The following SGK1 variants were observed in gnomAD, a reference collection of about 807,000 sequenced individuals.
SGK1 encodes serine/threonine-protein kinase Sgk1.
SGK1 carries 26 observed loss-of-function variants against 64.2 expected under a neutral mutation model. The observed-to-expected ratio is 0.40, with a 90% CI of 0.30 to 0.56. The LOEUF (loss-of-function observed/expected upper bound fraction) is 0.56. Ranked by LOEUF, SGK1 falls within the 20% of genes least tolerant of loss-of-function variation. The probability of loss-of-function intolerance (pLI) is 0.38; values close to 1 mark genes in which losing one functional copy is unlikely to be tolerated. For missense variants in SGK1, 519 were observed against 645.6 expected (o/e 0.80, Z 2.12); for synonymous variants, 265 against 239.7 (o/e 1.11, Z -0.98).
In SGK1 at chr6:134,191,679, T is replaced by G. The variant is rs953429223; in HGVS notation, c.361+15677A>C. Among the ~76,000 whole-genome samples the G allele has an allele frequency of 1.1e-4, 16 of 151,824 alleles. 1 individual carries two copies. Among genetic ancestry groups the G allele is most frequent in the African/African-American group, 3.1e-4 (13 of 41,454 alleles). ...GTTTTGTTTTTTTGTTTTTGTTTTT[T>G]TTTTTTTGAGACGAAGTCTCACTCT... On this transcript the variant is annotated intron_variant, in intron 3 of 13. Transcript: ENST00000367858.
At chr6:134,174,452 G>A in intron 4 of SGK1, 59 bp downstream of exon 4, 1 of 1,295,954 alleles carries the variant, frequency 7.7e-7, no homozygotes, top group Non-Finnish European at 1.1e-6. Flanking sequence ...TGATGAGAAT[G>A]TTTACCGCTG....
chr6:134,265,285 C>T (rs1004488032), intron 1 of SGK1, among the ~76,000 whole-genome samples: 1 of 151,758 alleles, frequency 6.6e-6, no homozygotes, highest in Admixed American at 6.6e-5. Context: ...CATGACAAAA[C>T]CCCATCTCTA....
At chr6:134,238,642 C>T (rs1776398788) in intron 2 of SGK1, among the ~76,000 whole-genome samples, 1 of 151,920 alleles carries the variant, frequency 6.6e-6, no homozygotes, top group Non-Finnish European at 1.5e-5. Flanking sequence ...AACATACAAG[C>T]ATGGAAATAA....
intron 2 of SGK1, among the ~76,000 whole-genome samples, chr6:134,231,405 TATTC>T (rs1204677516): frequency 6.6e-6 from 1 of 152,256 alleles, no homozygotes; most frequent in Non-Finnish European, 1.5e-5. Context: ...AATAAAATGA[TATTC>T]ATAATAATTA....
intron 3 of SGK1, among the ~76,000 whole-genome samples, chr6:134,184,793 C>T (rs1775395839): frequency 6.6e-6 from 1 of 152,114 alleles, no homozygotes; most frequent in South Asian, 2.1e-4. Flanking sequence ...AAGCAATCTT[C>T]CCACCTCAGC....
intron 1 of SGK1, among the ~76,000 whole-genome samples, chr6:134,288,958 A>G (rs1352515904): frequency 6.6e-6 from 1 of 152,210 alleles, no homozygotes; most frequent in Admixed American, 6.5e-5. Context: ...AGAGCCTACA[A>G]AGGCTCTTTT....
chr6:134,290,150 C>CAAAA (rs35039086), intron 1 of SGK1, among the ~76,000 whole-genome samples: 2 of 75,936 alleles, frequency 2.6e-5, no homozygotes, highest in Non-Finnish European at 4.7e-5. Context: ...AGCTCCTTCT[C>CAAAA]AAAAAAAAAA....
At chr6:134,232,947 C>G (rs1055628214) in intron 2 of SGK1, among the ~76,000 whole-genome samples, 2 of 151,554 alleles carry the variant, frequency 1.3e-5, no homozygotes, top group African/African-American at 4.8e-5. Context: ...AGTACGGATG[C>G]TCTTGTTTTC....
chr6:134,219,712 A>G (rs1250557608), intron 2 of SGK1, among the ~76,000 whole-genome samples: 1 of 142,362 alleles, frequency 7.0e-6, no homozygotes, highest in African/African-American at 2.6e-5. Context: ...GTGAGCTGAA[A>G]TTGCGTCATT....
chr6:134,210,033 C>A (rs1562251792), intron 2 of SGK1, among the ~76,000 whole-genome samples: 1 of 152,162 alleles, frequency 6.6e-6, no homozygotes, highest in Admixed American at 6.6e-5. Context: ...GGTACAAGCT[C>A]CTTCTCTTGT....
At position 134,265,573 on chromosome 6, in the gene SGK1, TTATACATATACATA is replaced by T. The variant is rs946661438; in HGVS notation, c.70-3439_70-3426del. Among the ~76,000 whole-genome samples, 15 of 146,644 alleles carry T rather than the reference TTATACATATACATA, an allele frequency of 1.0e-4. 1 individual carries two copies. The South Asian group carries it at 1.9e-3, about 18-fold the overall frequency. Reference sequence around the variant, plus strand: ...ATATTTTATATATATACATATATATTTATACATATACATATATACATATACATATATATTTTATA... The same window carrying T: ...ATATTTTATATATATACATATATATTTATACATATACATATATATTTTATA... On this transcript the variant is annotated intron_variant, in intron 1 of 13. Coordinates refer to ENST00000367858, the MANE Select transcript of SGK1 (RefSeq NM_001143676.3).
intron 2 of SGK1, among the ~76,000 whole-genome samples, chr6:134,240,164 C>T (rs1343535100): frequency 2.0e-5 from 3 of 151,974 alleles, no homozygotes; most frequent in East Asian, 1.9e-4. Flanking sequence ...TGGTGACCGA[C>T]GCCTATAGTC....
chr6:134,215,201 C>T (rs976854342), intron 2 of SGK1: 47 of 404,686 alleles, frequency 1.2e-4, no homozygotes, highest in South Asian at 5.9e-4. Flanking sequence ...CTACAACCTC[C>T]GCCTCCTGGG....
At chr6:134,280,677 G>C (rs1777080660) in intron 1 of SGK1, among the ~76,000 whole-genome samples, 1 of 152,098 alleles carries the variant, frequency 6.6e-6, no homozygotes, top group South Asian at 2.1e-4. Flanking sequence ...TGCTTGTAAT[G>C]CCAAGCACAG....
intron 2 of SGK1, among the ~76,000 whole-genome samples, chr6:134,245,105 C>A (rs553167610): frequency 6.6e-6 from 1 of 152,150 alleles, no homozygotes; most frequent in East Asian, 1.9e-4. Context: ...ACCTCTAGGA[C>A]CTGTAGTTTG....
chr6:134,217,721 G>A (rs1776009230), intron 2 of SGK1, among the ~76,000 whole-genome samples: 1 of 152,104 alleles, frequency 6.6e-6, no homozygotes, highest in African/African-American at 2.4e-5. Flanking sequence ...TTATCATCTT[G>A]ATCTCTGCAA....
At chr6:134,307,811 C>T (rs1419404621) in intron 1 of SGK1, among the ~76,000 whole-genome samples, 1 of 152,166 alleles carries the variant, frequency 6.6e-6, no homozygotes, top group Non-Finnish European at 1.5e-5. Context: ...AAATTCTTCT[C>T]TTCATCAATA....
At chr6:134,197,863 T>TTAAAATAAAATAAAATATAAAA (rs1305656727) in intron 3 of SGK1, among the ~76,000 whole-genome samples, 1 of 140,068 alleles carries the variant, frequency 7.1e-6, no homozygotes, top group South Asian at 2.3e-4. Flanking sequence ...TAAAATTAAA[T>TTAAAATAAAATAAAATATAAAA]TAAAATAAAA....
At chr6:134,248,706 T>C (rs1776562490) in intron 2 of SGK1, among the ~76,000 whole-genome samples, 1 of 152,028 alleles carries the variant, frequency 6.6e-6, no homozygotes, top group African/African-American at 2.4e-5. Flanking sequence ...ACAGGTTTTG[T>C]CTCCTCATAT....
Sources: allele counts gnomAD v4.1 joint callset (sites outside exome capture counted in the v4.1 genomes callset), GRCh38; gene constraint gnomAD v4.1.1; transcripts MANE v1.5; gene names NCBI Gene and HGNC (gene_info 2026-07-23, HGNC 2026-07-21).